NMNAT3: variants seen among roughly 807,000 people sequenced by gnomAD.
The protein encoded by NMNAT3 is nicotinamide/nicotinic acid mononucleotide adenylyltransferase 3.
A neutral mutation model predicts 24.8 loss-of-function variants in NMNAT3; 21 were observed. The ratio of observed to expected loss-of-function variants is 0.85; its 90% CI spans 0.60 to 1.22. The LOEUF is 1.22. Ranked by LOEUF, NMNAT3 falls within the 50% of genes most tolerant of loss-of-function variation. The pLI is 0.00. For synonymous variants in NMNAT3, 136 were observed against 155.2 expected (o/e 0.88, Z 0.92); for missense variants, 387 against 436.6 (o/e 0.89, Z 1.01).
chr3:139,588,193 C>T (rs2054018577), intron 3 of NMNAT3, among the ~76,000 whole-genome samples: 1 of 152,198 alleles, frequency 6.6e-6, no homozygotes, highest in Non-Finnish European at 1.5e-5. Flanking sequence ...CTGTGACCCT[C>T]TGCTGCTCAG....
intron 1 of NMNAT3, among the ~76,000 whole-genome samples, chr3:139,644,400 T>C (rs1037872988): frequency 7.2e-5 from 11 of 152,202 alleles, no homozygotes; most frequent in African/African-American, 2.7e-4. Context: ...GACCATCATT[T>C]AAGTACAGGA....
intron 3 of NMNAT3, among the ~76,000 whole-genome samples, chr3:139,595,710 A>C (rs565599407): frequency 0.081 from 12,266 of 152,160 alleles, 1,080 homozygotes; most frequent in East Asian, 0.37. Context: ...AGCAATGGGG[A>C]AAGGATTCCC....
At chr3:139,564,840 A>G (rs557966430) in intron 6 of NMNAT3, among the ~76,000 whole-genome samples, 1 of 152,330 alleles carries the variant, frequency 6.6e-6, no homozygotes, top group South Asian at 2.1e-4. Flanking sequence ...TTTTACCCCA[A>G]TTACAAACAT....
At chr3:139,630,996 C>T (rs2056272764) in intron 2 of NMNAT3, among the ~76,000 whole-genome samples, 1 of 152,128 alleles carries the variant, frequency 6.6e-6, no homozygotes, top group African/African-American at 2.4e-5. Flanking sequence ...ACCTGGGGCT[C>T]TCATCCATTT....
In NMNAT3 at chr3:139,655,776, C is replaced by T. The variant is rs532907780; in HGVS notation, c.-140-17714G>A. 2.0e-5 allele frequency among the ~76,000 whole-genome samples: 3 copies of T among 152,334 alleles called. No individual in the cohort carries two copies. The South Asian group carries it at 6.2e-4, about 32-fold the overall frequency. On this transcript the variant is annotated intron_variant, in intron 1 of 6. Transcript: ENST00000643695. Reference sequence around the variant, plus strand: ...TATGGGATGTGTTAGACCAGTCCTTCCAGATGGGCACATTTGCTCATTGTG... The same window carrying T: ...TATGGGATGTGTTAGACCAGTCCTTTCAGATGGGCACATTTGCTCATTGTG...
intron 2 of NMNAT3, among the ~76,000 whole-genome samples, chr3:139,628,696 C>T (rs1028622622): frequency 2.6e-5 from 4 of 152,180 alleles, no homozygotes; most frequent in African/African-American, 4.8e-5. Context: ...TGAGATGCTG[C>T]CTCCTCGAGG....
chr3:139,601,529 C>A (rs1434090068), intron 3 of NMNAT3, among the ~76,000 whole-genome samples: 1 of 152,226 alleles, frequency 6.6e-6, no homozygotes, highest in East Asian at 1.9e-4. Context: ...TTTCCCCTAC[C>A]TGCCTCCTTG....
chr3:139,578,195 C>T (rs1425163584), intron 5 of NMNAT3, among the ~76,000 whole-genome samples: 2 of 152,218 alleles, frequency 1.3e-5, no homozygotes, highest in Non-Finnish European at 2.9e-5. Context: ...GCTAGTGACC[C>T]ACTGCCCTAA....
intron 3 of NMNAT3, among the ~76,000 whole-genome samples, chr3:139,592,663 T>G (rs1271622645): frequency 2.0e-5 from 3 of 152,028 alleles, no homozygotes; most frequent in Admixed American, 2.0e-4. Flanking sequence ...GGGGCCAATA[T>G]TCAACATTCT....
chr3:139,573,748 C>G (rs2108060248), intron 5 of NMNAT3, 68 bp from the exon 6 acceptor site: 1 of 843,932 alleles, frequency 1.2e-6, no homozygotes, highest in Non-Finnish European at 1.8e-6. Context: ...CAGGGATTTT[C>G]AGATTTTGTC....
chr3:139,663,748 C>T (rs746735705), intron 1 of NMNAT3, among the ~76,000 whole-genome samples: 5 of 152,182 alleles, frequency 3.3e-5, no homozygotes, highest in Non-Finnish European at 5.9e-5. Flanking sequence ...CCTACTGAGC[C>T]CTCAACTGAT....
At chr3:139,581,055 T>C (rs144722773) in intron 4 of NMNAT3, among the ~76,000 whole-genome samples, 2 of 152,334 alleles carry the variant, frequency 1.3e-5, no homozygotes, top group Non-Finnish European at 2.9e-5. Context: ...GATTTATCCT[T>C]ACCTGTAAGT....
intron 6 of NMNAT3, chr3:139,572,365 G>A: frequency 2.5e-6 from 1 of 394,948 alleles, no homozygotes. Context: ...AAGACCAGAG[G>A]AATACAATAA....
chr3:139,578,537 A>T (rs888084570), intron 5 of NMNAT3, among the ~76,000 whole-genome samples: 3 of 152,216 alleles, frequency 2.0e-5, no homozygotes, highest in African/African-American at 7.2e-5. Flanking sequence ...CAAGTGAGAA[A>T]TATGTCTCAG....
chr3:139,612,443 G>A (rs1326917221), intron 3 of NMNAT3, among the ~76,000 whole-genome samples: 2 of 152,142 alleles, frequency 1.3e-5, no homozygotes, highest in African/African-American at 4.8e-5. Context: ...TTGGCAATGA[G>A]GTGGGAAATG....
chr3:139,576,902 A>G (rs1222527903), intron 5 of NMNAT3, among the ~76,000 whole-genome samples: 1 of 151,930 alleles, frequency 6.6e-6, no homozygotes, highest in East Asian at 1.9e-4. Context: ...CTAAAAATAC[A>G]AAAAATTAGC....
chr3:139,596,949 TATATATATATA>T (rs2054503597), intron 3 of NMNAT3, among the ~76,000 whole-genome samples: 1 of 116,650 alleles, frequency 8.6e-6, no homozygotes, highest in African/African-American at 4.0e-5. Flanking sequence ...TATATATATA[TATATATATATA>T]TATATTTTTA....
chr3:139,566,948 T>G (rs1349652972), intron 6 of NMNAT3: 1 of 152,202 alleles, frequency 6.6e-6, no homozygotes, highest in Admixed American at 6.5e-5. Flanking sequence ...ATAAATTACC[T>G]TGGGCAGTAT....
chr3:139,643,162 A>C (rs1042450012), intron 1 of NMNAT3, among the ~76,000 whole-genome samples: 2 of 152,192 alleles, frequency 1.3e-5, no homozygotes, highest in Non-Finnish European at 2.9e-5. Context: ...CAAAACCACA[A>C]TGAGAAACCA....
Sources: gnomAD v4.1 joint callset for allele counts (sites outside exome capture counted in the v4.1 genomes callset) on GRCh38, gnomAD v4.1.1 for gene constraint, MANE v1.5 for transcripts, NCBI Gene and HGNC (gene_info 2026-07-23, HGNC 2026-07-21) for gene names.